UBE2E2: variants seen among roughly 807,000 people sequenced by gnomAD.
The protein encoded by UBE2E2 is ubiquitin-conjugating enzyme E2 E2.
A neutral mutation model predicts 24.7 loss-of-function variants in UBE2E2; 6 were observed. The observed-to-expected ratio is 0.24, with a 90% CI of 0.13 to 0.48. The LOEUF (loss-of-function observed/expected upper bound fraction) is 0.48, where lower values mean the gene tolerates loss of function less well. Among genes scored for constraint, UBE2E2 ranks in the 20% least tolerant of loss-of-function variants. UBE2E2 has a pLI of 0.99. For synonymous variants in UBE2E2, 104 were observed against 83.6 expected (o/e 1.24, Z -1.33); for missense variants, 169 against 245.0 (o/e 0.69, Z 2.07).
intron 3 of UBE2E2, among the ~76,000 whole-genome samples, chr3:23,424,738 A>G (rs1697884386): frequency 6.6e-6 from 1 of 152,198 alleles, no homozygotes; most frequent in African/African-American, 2.4e-5. Flanking sequence ...ATGAGATGTT[A>G]AAATAATAGA....
At chr3:23,267,672 A>G (rs1340145231) in intron 3 of UBE2E2, among the ~76,000 whole-genome samples, 3 of 152,138 alleles carry the variant, frequency 2.0e-5, no homozygotes, top group Non-Finnish European at 2.9e-5. Context: ...TCCAATCAAT[A>G]GAAAAAGAGG....
chr3:23,408,627 A>AT (rs1401607501), intron 3 of UBE2E2, among the ~76,000 whole-genome samples: 3 of 152,120 alleles, frequency 2.0e-5, no homozygotes, highest in Non-Finnish European at 4.4e-5. Context: ...ACTTTTGGCA[A>AT]TTTAACACCA....
intron 3 of UBE2E2, among the ~76,000 whole-genome samples, chr3:23,493,115 C>T (rs1699533891): frequency 6.6e-6 from 1 of 152,022 alleles, no homozygotes; most frequent in Non-Finnish European, 1.5e-5. Context: ...AGCCAGAATC[C>T]CAACATTGCC....
intron 3 of UBE2E2, among the ~76,000 whole-genome samples, chr3:23,261,843 AC>A (rs1300922385): frequency 1.3e-5 from 2 of 152,306 alleles, no homozygotes; most frequent in African/African-American, 4.8e-5. Context: ...ATTGATATAT[AC>A]ACACACTGAA....
chr3:23,336,936 T>C (rs1284496454), intron 3 of UBE2E2, among the ~76,000 whole-genome samples: 2 of 151,980 alleles, frequency 1.3e-5, no homozygotes, highest in Non-Finnish European at 2.9e-5. Flanking sequence ...GCTCAGGAGT[T>C]TGAGACCAGT....
At chr3:23,355,168 G>A (rs1695904764) in intron 3 of UBE2E2, among the ~76,000 whole-genome samples, 2 of 142,806 alleles carry the variant, frequency 1.4e-5, no homozygotes, top group African/African-American at 5.1e-5. Flanking sequence ...TCATAGGTGG[G>A]AATTGAACAG....
At chr3:23,462,615 G>A (rs1427962712) in intron 3 of UBE2E2, among the ~76,000 whole-genome samples, 1 of 152,114 alleles carries the variant, frequency 6.6e-6, no homozygotes. Context: ...TTAGGAACAG[G>A]ACAAGATTAA....
At chr3:23,291,289 T>C (rs1698759119) in intron 3 of UBE2E2, among the ~76,000 whole-genome samples, 1 of 152,130 alleles carries the variant, frequency 6.6e-6, no homozygotes, top group African/African-American at 2.4e-5. Flanking sequence ...TGGTTGATCC[T>C]ACCTTTGTTT....
At chr3:23,304,169 C>T (rs1185968296) in intron 3 of UBE2E2, among the ~76,000 whole-genome samples, 2 of 152,142 alleles carry the variant, frequency 1.3e-5, no homozygotes, top group African/African-American at 4.8e-5. Flanking sequence ...CCTTAGCAGG[C>T]CACTTTTGAC....
chr3:23,260,271 T>G (rs1000851344), intron 3 of UBE2E2, among the ~76,000 whole-genome samples: 1 of 152,230 alleles, frequency 6.6e-6, no homozygotes, highest in African/African-American at 2.4e-5. Context: ...GCTATATATT[T>G]TTTAATTTAA....
chr3:23,343,148 T>C (rs1695447604), intron 3 of UBE2E2, among the ~76,000 whole-genome samples: 1 of 152,084 alleles, frequency 6.6e-6, no homozygotes. Flanking sequence ...TTTTCTTATT[T>C]TTAAAATATC....
At chr3:23,292,033 T>C (rs949633089) in intron 3 of UBE2E2, among the ~76,000 whole-genome samples, 1 of 152,002 alleles carries the variant, frequency 6.6e-6, no homozygotes. Context: ...TAATTTTTTG[T>C]ATTTTTAGTA....
Position 23,310,314 on chromosome 3 carries a change from T to TTTA in UBE2E2, c.227+93002_227+93003insTTA, listed in dbSNP as rs59973241. On this transcript the variant is annotated intron_variant, in intron 3 of 5. Coordinates refer to ENST00000396703, the MANE Select transcript of UBE2E2 (RefSeq NM_152653.4). ...AAAAGGCATGCCTTTTTTTTTTTTT[T>TTTA]ACAAAAATTCTGCTAATTTGGGGTA... 3.0e-4 allele frequency among the ~76,000 whole-genome samples: 46 copies of TTTA among 151,296 alleles called. 1 individual carries two copies. The highest frequency in any genetic ancestry group is 2.4e-3 in the Admixed American group (36 of 15,184).
intron 4 of UBE2E2, among the ~76,000 whole-genome samples, chr3:23,531,002 T>G (rs984896644): frequency 6.6e-6 from 1 of 152,210 alleles, no homozygotes; most frequent in African/African-American, 2.4e-5. Context: ...GGTTATATTT[T>G]CTTCAACATT....
At chr3:23,351,763 A>T (rs1172534495) in intron 3 of UBE2E2, among the ~76,000 whole-genome samples, 3 of 152,202 alleles carry the variant, frequency 2.0e-5, no homozygotes, top group African/African-American at 7.2e-5. Flanking sequence ...AAAGAGACTT[A>T]GACTCCCACA....
chr3:23,354,504 A>G (rs1373691781), intron 3 of UBE2E2, among the ~76,000 whole-genome samples: 3 of 152,252 alleles, frequency 2.0e-5, no homozygotes, highest in East Asian at 3.8e-4. Context: ...GCTAATATCC[A>G]GAATCTACAA....
intron 3 of UBE2E2, among the ~76,000 whole-genome samples, chr3:23,339,019 C>T (rs897823592): frequency 6.6e-6 from 1 of 152,060 alleles, no homozygotes; most frequent in African/African-American, 2.4e-5. Flanking sequence ...TCATAGTAAC[C>T]TTACAGTGGA....
chr3:23,571,580 G>T (rs6550765), intron 5 of UBE2E2, among the ~76,000 whole-genome samples: 48,093 of 151,718 alleles, frequency 0.32, 8,474 homozygotes, highest in East Asian at 0.49. Context: ...GAGCCATCAC[G>T]CCCAGCCTGT....
intron 5 of UBE2E2, among the ~76,000 whole-genome samples, chr3:23,542,439 G>A (rs1355714369): frequency 6.6e-6 from 1 of 152,136 alleles, no homozygotes; most frequent in Non-Finnish European, 1.5e-5. Context: ...TCTTTGATTT[G>A]CTGGAGAAAT....
Sources: allele counts gnomAD v4.1 joint callset (sites outside exome capture counted in the v4.1 genomes callset), GRCh38; gene constraint gnomAD v4.1.1; transcripts MANE v1.5; gene names NCBI Gene and HGNC (gene_info 2026-07-23, HGNC 2026-07-21).